The following TRABD2A variants were observed in gnomAD, a reference collection of about 807,000 sequenced individuals.
The protein encoded by TRABD2A is metalloprotease TIKI1.
In TRABD2A, 43 loss-of-function variants were observed where a neutral mutation model predicts 45.6. The ratio of observed to expected loss-of-function variants is 0.94; its 90% CI spans 0.74 to 1.22. TRABD2A has a LOEUF of 1.22. Among genes scored for constraint, TRABD2A ranks in the 50% most tolerant of loss-of-function variants. The pLI, the probability that TRABD2A is intolerant of heterozygous loss-of-function variation, is 0.00. For synonymous variants in TRABD2A, 269 were observed against 265.0 expected (o/e 1.02, Z -0.15); for missense variants, 642 against 652.4 (o/e 0.98, Z 0.17).
At chr2:84,849,768 A>G (rs565584387) in intron 2 of TRABD2A, among the ~76,000 whole-genome samples, 1 of 152,328 alleles carries the variant, frequency 6.6e-6, no homozygotes, top group African/African-American at 2.4e-5. Context: ...GTCTTGCTGC[A>G]CTGCAATCAA....
intron 5 of TRABD2A, among the ~76,000 whole-genome samples, chr2:84,829,742 A>G (rs1681268262): frequency 6.7e-6 from 1 of 150,142 alleles, no homozygotes; most frequent in African/African-American, 2.5e-5. Context: ...CCACACATGC[A>G]CACACCAGCC....
Position 84,843,375 on chromosome 2 carries a change from C to A in TRABD2A, c.670-1368G>T, listed in dbSNP as rs184308531. On this transcript the variant is annotated intron_variant, in intron 2 of 6. Coordinates refer to ENST00000409520, the MANE Select transcript of TRABD2A (RefSeq NM_001277053.2). ...GGTCTTAAGTCAGCAAATGACCCTACCCAGCCCCAACCCCTTTCTCCTTTC... is the reference window on the plus strand; with the variant it reads ...GGTCTTAAGTCAGCAAATGACCCTAACCAGCCCCAACCCCTTTCTCCTTTC... Among the ~76,000 whole-genome samples, 30 of 152,296 alleles carry A rather than the reference C, an allele frequency of 2.0e-4. No homozygotes were observed. The South Asian group carries it at 4.6e-3, about 23-fold the overall frequency.
At chr2:84,851,461 C>T (rs1228184351) in intron 2 of TRABD2A, among the ~76,000 whole-genome samples, 3 of 152,236 alleles carry the variant, frequency 2.0e-5, no homozygotes, top group Admixed American at 6.5e-5. Context: ...TAATCTCTTA[C>T]CCAATGCTTA....
rs117280521 is a variant in TRABD2A, at chr2:84,860,131, T to C, written c.669+10094A>G. Among the ~76,000 whole-genome samples the C allele has an allele frequency of 2.6e-4, 39 of 152,252 alleles. 1 individual carries two copies. In the East Asian group the frequency reaches 6.2e-3, roughly 24 times the overall value. ...CTTCTACAGAATGTTTTCACTTTGA[T>C]TGGACACCTAAAGACAGCTTTGAAA... On this transcript the variant is annotated intron_variant, in intron 2 of 6. Transcript: ENST00000409520.
chr2:84,843,040 T>G (rs1037448630), intron 2 of TRABD2A, among the ~76,000 whole-genome samples: 1 of 151,188 alleles, frequency 6.6e-6, no homozygotes, highest in Admixed American at 6.6e-5. Context: ...GGGTCAGAGG[T>G]GGGGAGGTAG....
chr2:84,864,975 C>G (rs12465338), intron 2 of TRABD2A, among the ~76,000 whole-genome samples: 27,362 of 152,034 alleles, frequency 0.18, 3,061 homozygotes, highest in African/African-American at 0.32. Flanking sequence ...CTAGGAATTT[C>G]CCCTTCCTCC....
chr2:84,850,317 A>G (rs1026458623), intron 2 of TRABD2A, among the ~76,000 whole-genome samples: 3 of 152,200 alleles, frequency 2.0e-5, no homozygotes, highest in Non-Finnish European at 4.4e-5. Flanking sequence ...GTTTACAATT[A>G]TAATAATCAT....
At chr2:84,840,126 C>T (rs562938871) in intron 3 of TRABD2A, among the ~76,000 whole-genome samples, 1 of 152,186 alleles carries the variant, frequency 6.6e-6, no homozygotes, top group South Asian at 2.1e-4. Flanking sequence ...CCTGCTGCTG[C>T]TGCTTCCAGT....
Position 84,841,933 on chromosome 2 carries a change from C to G in TRABD2A, c.744G>C (p.Thr248=). 1 of 1,548,676 alleles carries G rather than the reference C, an allele frequency of 6.5e-7. No individual in the cohort carries two copies. Among genetic ancestry groups the G allele is most frequent in the East Asian group, 2.4e-5 (1 of 40,852 alleles). The change falls in exon 3 of 7, where the codon ACG becomes ACC. Residue 248 remains threonine (T), a synonymous_variant. Transcript: ENST00000409520. ...LRAGSLQIPY[T]TEDLIKHYNC... is the part of the protein sequence containing the mutation. ...TATAGTGTTTGATGAGATCCTCCGT[C>G]GTGTAGGGGATCTGAAGACTGCCTG...
chr2:84,823,976 A>G lies in TRABD2A; in HGVS notation c.1311T>C (p.Asp437=). The part of the protein sequence containing the change: ...QRRPRLRQFS[D]LWVRLEESDI... ...ACCTCTCCTCCAGGCGGACCCACAGATCGCTGAATTGCCGGAGTCGCGGCC... is the reference window on the plus strand; with the variant it reads ...ACCTCTCCTCCAGGCGGACCCACAGGTCGCTGAATTGCCGGAGTCGCGGCC... Residue 437 remains aspartate, a synonymous_variant, in exon 6 of 7, where the codon GAT becomes GAC. Transcript: ENST00000409520. 2.5e-6 allele frequency: 4 copies of G among 1,613,884 alleles called. No homozygotes were observed. The highest frequency in any genetic ancestry group is 2.2e-5 in the South Asian group (2 of 91,074).
chr2:84,824,840 G>A (rs376589941), intron 5 of TRABD2A, among the ~76,000 whole-genome samples: 49 of 152,252 alleles, frequency 3.2e-4, no homozygotes, highest in African/African-American at 1.1e-3. Context: ...GGCTCTCAGG[G>A]CTGTCTTCTA....
chr2:84,876,481 G>A (rs1278613961), intron 1 of TRABD2A, among the ~76,000 whole-genome samples: 2 of 152,192 alleles, frequency 1.3e-5, no homozygotes, highest in African/African-American at 2.4e-5. Context: ...GTTAAATGTG[G>A]ATGGTAGGCC....
At chr2:84,880,881 C>T in intron 1 of TRABD2A, 51 bp downstream of exon 1, 1 of 1,551,854 alleles carries the variant, frequency 6.4e-7, no homozygotes, top group Non-Finnish European at 8.7e-7. Flanking sequence ...GGGAAACCAT[C>T]CCAAGGAGGT....
chr2:84,832,429 G>A, intron 4 of TRABD2A: 1 of 412,142 alleles, frequency 2.4e-6, no homozygotes, highest in Non-Finnish European at 4.5e-6. Flanking sequence ...ACATCAAACT[G>A]CAACCTGGTA....
At chr2:84,851,724 C>T (rs374232885) in intron 2 of TRABD2A, among the ~76,000 whole-genome samples, 2 of 152,148 alleles carry the variant, frequency 1.3e-5, no homozygotes, top group African/African-American at 4.8e-5. Flanking sequence ...GAATGTCTCC[C>T]CCATAGAAAT....
At chr2:84,862,167 G>T (rs1682521280) in intron 2 of TRABD2A, among the ~76,000 whole-genome samples, 1 of 152,184 alleles carries the variant, frequency 6.6e-6, no homozygotes. Context: ...GAGGATCCCA[G>T]TACAACTTGG....
At chr2:84,861,225 T>A (rs1317941259) in intron 2 of TRABD2A, among the ~76,000 whole-genome samples, 1 of 152,192 alleles carries the variant, frequency 6.6e-6, no homozygotes, top group Non-Finnish European at 1.5e-5. Context: ...TTGGGATGAT[T>A]CAAGCACATG....
intron 2 of TRABD2A, among the ~76,000 whole-genome samples, chr2:84,867,439 A>G (rs987034055): frequency 6.6e-6 from 1 of 152,206 alleles, no homozygotes; most frequent in Non-Finnish European, 1.5e-5. Context: ...TTAATTCAAG[A>G]TGGATTAAAG....
chr2:84,841,765 C>G (rs1317200968), intron 3 of TRABD2A, 96 bp downstream of exon 3: 2 of 1,316,034 alleles, frequency 1.5e-6, no homozygotes, highest in Non-Finnish European at 2.0e-6. Flanking sequence ...CTCATGACCT[C>G]AATCCTTTGT....
Sources: allele counts gnomAD v4.1 joint callset (sites outside exome capture counted in the v4.1 genomes callset), GRCh38; gene constraint gnomAD v4.1.1; transcripts MANE v1.5; gene names NCBI Gene and HGNC (gene_info 2026-07-23, HGNC 2026-07-21).